Variants in CALB2 observed in about 807,000 individuals in gnomAD.
CALB2 encodes calbindin 2.
CALB2 carries 34 observed loss-of-function variants against 45.9 expected under a neutral mutation model. The observed-to-expected ratio is 0.74, with a 90% CI of 0.56 to 0.99. CALB2 has a LOEUF of 0.99. CALB2 is among the 50% of genes least tolerant of loss of function. The pLI, the probability that CALB2 is intolerant of heterozygous loss-of-function variation, is 0.00. For missense variants in CALB2, 344 were observed against 339.3 expected (o/e 1.01, Z -0.11); for synonymous variants, 142 against 129.6 (o/e 1.10, Z -0.65).
At chr16:71,364,896 T>C (rs1349262451) in intron 1 of CALB2, among the ~76,000 whole-genome samples, 1 of 152,066 alleles carries the variant, frequency 6.6e-6, no homozygotes, top group Non-Finnish European at 1.5e-5. Flanking sequence ...CTGGGACAAA[T>C]AGAAGGAGGC....
At chr16:71,385,226 TC>T in intron 9 of CALB2, 1 of 340,510 alleles carries the variant, frequency 2.9e-6, no homozygotes, top group Non-Finnish European at 5.5e-6. Context: ...CCCTGGGCTG[TC>T]CCCTGCCCAC....
At position 71,389,920 on chromosome 16, in the gene CALB2, G is replaced by C. The variant is rs1466602984; in HGVS notation, c.*55G>C. 1.3e-5 allele frequency: 17 copies of C among 1,263,128 alleles called. No homozygotes were observed. The highest frequency in any genetic ancestry group is 2.0e-5 in the Non-Finnish European group (17 of 868,152). 78.2% of individuals were successfully genotyped at this position (1,263,128 alleles called of 1,614,324 possible). A position where few individuals can be genotyped will look rare whatever the true frequency, so the allele number is the denominator to read the frequency against. ...CCCCAAACCCTGCTTCTGCTGCCCT[G>C]ATGCGTCTACCCAGACTCAGAGACC... On this transcript the variant is annotated 3_prime_UTR_variant, in exon 11 of 11. Transcript: ENST00000302628.
rs11545954 is a variant in CALB2, at chr16:71,377,733, G to A, written c.328G>A (p.Ala110Thr). 0.13 allele frequency: 212,199 copies of A among 1,612,466 alleles called. 15,003 individuals are homozygous for A. Among genetic ancestry groups the A allele is most frequent in the South Asian group, 0.2 (17,782 of 91,016 alleles). The part of the protein sequence containing the change: ...LCFRQHVGSS[A>T]EFMEAWRKYD... ...CTTCAGGCAGCACGTGGGCTCCAGC[G>A]CCGAGTTTATGGAGGTGAGGCCAAG... The change falls in exon 4 of 11, where the codon GCC becomes ACC. Residue 110 changes from alanine (A) to threonine (T), a missense_variant. Around this residue, in one of 3 missense-constraint regions of CALB2, gnomAD observed 263 missense variants for 241.7 expected, o/e 1.09. Transcript: ENST00000302628.
intron 1 of CALB2, among the ~76,000 whole-genome samples, chr16:71,364,011 C>G (rs2042258055): frequency 6.6e-6 from 1 of 152,096 alleles, no homozygotes. Flanking sequence ...GGGGTAGGCC[C>G]TGGAAAATGT....
At chr16:71,370,478 G>A (rs1391382741) in intron 1 of CALB2, among the ~76,000 whole-genome samples, 1 of 150,444 alleles carries the variant, frequency 6.6e-6, no homozygotes, top group Non-Finnish European at 1.5e-5. Context: ...TCACCTGGGA[G>A]TGTTAAAAAA....
chr16:71,379,267 TGTCTAATAAATA>T (rs1373108227), intron 4 of CALB2, among the ~76,000 whole-genome samples: 109 of 141,034 alleles, frequency 7.7e-4, no homozygotes, highest in Non-Finnish European at 1.2e-3. Flanking sequence ...ACAAAGACTC[TGTCTAATAAATA>T]AATAAATAAA....
Position 71,382,158 on chromosome 16 carries a change from A to AGG in CALB2, c.343-561_343-560insGG, listed in dbSNP as rs1315524747. Among the ~76,000 whole-genome samples the AGG allele has an allele frequency of 2.1e-3, 113 of 52,830 alleles. No individual in the cohort carries two copies. The Middle Eastern group carries it at 0.068, about 32-fold the overall frequency. 34.7% of individuals were successfully genotyped at this position (52,830 alleles called of 152,430 possible). The stretch of plus-strand genomic sequence containing the variant: ...AAGGAAAGAAGGAAGGAAGGAAAGA[A>AGG]AATAAAGGAAGGAAGGAACGAAAGA... On this transcript the variant is annotated intron_variant, in intron 4 of 10. Transcript: ENST00000302628.
chr16:71,366,020 C>CTTTTTTTTTTTTTTTTTTTTT (rs2042281945), intron 1 of CALB2, among the ~76,000 whole-genome samples: 8 of 28,874 alleles, frequency 2.8e-4, no homozygotes, highest in Admixed American at 5.6e-4. Context: ...TTCCCTCTCT[C>CTTTTTTTTTTTTTTTTTTTTT]TCTCTTTTTT....
intron 1 of CALB2, among the ~76,000 whole-genome samples, chr16:71,367,359 G>A (rs919724856): frequency 2.0e-5 from 3 of 152,082 alleles, no homozygotes; most frequent in Non-Finnish European, 2.9e-5. Flanking sequence ...CACCCCACCC[G>A]CTGCAAGAGG....
At chr16:71,381,690 C>T (rs1016872937) in intron 4 of CALB2, among the ~76,000 whole-genome samples, 13 of 151,484 alleles carry the variant, frequency 8.6e-5, no homozygotes, top group African/African-American at 2.9e-4. Flanking sequence ...GGGGGAGAAG[C>T]GAAGAAAAGT....
At chr16:71,359,825 A>G (rs779716203) in intron 1 of CALB2, among the ~76,000 whole-genome samples, 4 of 152,196 alleles carry the variant, frequency 2.6e-5, no homozygotes, top group Non-Finnish European at 5.9e-5. Context: ...CTACGCACAG[A>G]CCTGGCTAAG....
intron 3 of CALB2, among the ~76,000 whole-genome samples, chr16:71,375,767 G>C (rs1176053141): frequency 6.6e-6 from 1 of 152,242 alleles, no homozygotes; most frequent in African/African-American, 2.4e-5. Context: ...GCCTTGGCTA[G>C]GCTTATAGGG....
In CALB2 at chr16:71,383,483, G is replaced by C. The variant is rs374954837; in HGVS notation, c.477+39G>C. 3.8e-5 allele frequency: 60 copies of C among 1,590,686 alleles called. No individual in the cohort carries two copies. The African/African-American group carries it at 6.9e-4, about 18-fold the overall frequency. ...AGTGTCCCTCTCCCCCAGGGTGCAG[G>C]ACTTGTGCCCCAAGCCACTTGGGCT... On this transcript the variant is annotated intron_variant, in intron 6 of 10. Transcript: ENST00000302628.
At chr16:71,377,116 G>GCT (rs1490159190) in intron 3 of CALB2, among the ~76,000 whole-genome samples, 1 of 152,186 alleles carries the variant, frequency 6.6e-6, no homozygotes, top group African/African-American at 2.4e-5. Flanking sequence ...AGCCAGCAGT[G>GCT]CTTACTGCAA....
chr16:71,362,943 G>A (rs538293164), intron 1 of CALB2, among the ~76,000 whole-genome samples: 2 of 152,342 alleles, frequency 1.3e-5, no homozygotes, highest in East Asian at 3.9e-4. Context: ...ACCTTGGGAG[G>A]CCAAGGCAGG....
chr16:71,386,257 G>T (rs1471511357), intron 10 of CALB2, among the ~76,000 whole-genome samples: 1 of 152,174 alleles, frequency 6.6e-6, no homozygotes, highest in Non-Finnish European at 1.5e-5. Flanking sequence ...TGGACGCTTG[G>T]GTTGCACCCA....
chr16:71,366,022 CTCTTTT>C (rs1416364970), intron 1 of CALB2, among the ~76,000 whole-genome samples: 2 of 50,552 alleles, frequency 4.0e-5, no homozygotes, highest in Non-Finnish European at 6.8e-5. Flanking sequence ...CCCTCTCTCT[CTCTTTT>C]TTTTTTTTTT....
intron 1 of CALB2, among the ~76,000 whole-genome samples, chr16:71,369,199 A>G (rs2042318999): frequency 1.3e-5 from 2 of 152,194 alleles, no homozygotes; most frequent in South Asian, 4.1e-4. Flanking sequence ...GGCTCGCTGC[A>G]GGCCAGCGCT....
At chr16:71,366,022 C>CTTTTTTTTTTTTTTTTTTGTTTTTTTT (rs1447467571) in intron 1 of CALB2, among the ~76,000 whole-genome samples, 1 of 50,552 alleles carries the variant, frequency 2.0e-5, no homozygotes, top group Admixed American at 3.4e-4. Context: ...CCCTCTCTCT[C>CTTTTTTTTTTTTTTTTTTGTTTTTTTT]TCTTTTTTTT....
Sources: allele counts gnomAD v4.1 joint callset (sites outside exome capture counted in the v4.1 genomes callset), GRCh38; gene constraint gnomAD v4.1.1; regional missense constraint gnomAD v4.1.1; transcripts MANE v1.5; gene names NCBI Gene and HGNC (gene_info 2026-07-23, HGNC 2026-07-21).